Variants in MFHAS1 observed in about 807,000 individuals in gnomAD.
MFHAS1 encodes the protein multifunctional ROCO family signaling regulator 1.
Under a neutral mutation model 70.4 loss-of-function variants are expected in MFHAS1, and 50 were observed. The ratio of observed to expected loss-of-function variants is 0.71; its 90% CI spans 0.57 to 0.90. The LOEUF is 0.90. MFHAS1 is among the 40% of genes least tolerant of loss of function. The pLI is 0.00. For missense variants in MFHAS1, 1,795 were observed against 1,347.6 expected (o/e 1.33, Z -5.20); for synonymous variants, 952 against 620.0 (o/e 1.54, Z -7.96).
chr8:8,833,688 G>A (rs747652535), intron 1 of MFHAS1, among the ~76,000 whole-genome samples: 1 of 152,086 alleles, frequency 6.6e-6, no homozygotes, highest in Admixed American at 6.6e-5. Context: ...CTTTCCATAT[G>A]ACCTAGCAAT....
At chr8:8,791,244 C>CGGT in intron 2 of MFHAS1, among the ~76,000 whole-genome samples, 1 of 151,228 alleles carries the variant, frequency 6.6e-6, no homozygotes, top group Admixed American at 6.6e-5. Flanking sequence ...CAGACAGATA[C>CGGT]GGTATCGCTG....
chr8:8,863,039 G>C (rs1406544987), intron 1 of MFHAS1, among the ~76,000 whole-genome samples: 1 of 152,200 alleles, frequency 6.6e-6, no homozygotes, highest in Non-Finnish European at 1.5e-5. Context: ...TACAAGGAAT[G>C]ACTCAAGGTT....
chr8:8,875,108 G>A (rs1284763994), intron 1 of MFHAS1, among the ~76,000 whole-genome samples: 2 of 152,202 alleles, frequency 1.3e-5, no homozygotes, highest in African/African-American at 4.8e-5. Context: ...GAGGTACAGT[G>A]AAAAAGATCT....
intron 1 of MFHAS1, among the ~76,000 whole-genome samples, chr8:8,867,779 G>C (rs549084452): frequency 7.2e-4 from 110 of 152,018 alleles, no homozygotes; most frequent in Middle Eastern, 3.4e-3. Context: ...GGATTGTCTC[G>C]ATCTCCTGAC....
At chr8:8,816,074 T>A (rs1257192788) in intron 1 of MFHAS1, among the ~76,000 whole-genome samples, 1 of 152,108 alleles carries the variant, frequency 6.6e-6, no homozygotes, top group East Asian at 1.9e-4. Flanking sequence ...GCATAGTGGA[T>A]GAGTCCATTA....
chr8:8,838,309 T>C (rs2116848287), intron 1 of MFHAS1, among the ~76,000 whole-genome samples: 1 of 152,094 alleles, frequency 6.6e-6, no homozygotes, highest in South Asian at 2.1e-4. Context: ...AGGGGAAGGG[T>C]CTATATTCTT....
intron 2 of MFHAS1, among the ~76,000 whole-genome samples, chr8:8,796,426 G>C (rs960934957): frequency 3.3e-5 from 5 of 152,202 alleles, no homozygotes; most frequent in African/African-American, 1.2e-4. Flanking sequence ...ATTTTCTTTT[G>C]TAATCCCAGC....
rs1191680951 is a variant in MFHAS1, at chr8:8,891,257, T to C, written c.1802A>G (p.Lys601Arg). Residue 601 changes from lysine to arginine, a missense_variant, in exon 1 of 3, where the codon AAG becomes AGG. Lys to Arg is a conservative substitution (Grantham distance 26). Transcript: ENST00000276282. This position sits in a 1 kb window ranked among gnomAD's most constrained non-coding sequence, Gnocchi z 5.4. ...ATGGGCCTTGCGCCGTCGAAGGTTC[T>C]TGTCCGAAACGCCATAGTAGGCTGC... ...PHAAYYGVSD[K>R]NLRRRKAHFQ... 4 of 1,612,096 alleles carry C rather than the reference T, an allele frequency of 2.5e-6. No individual in the cohort carries two copies. The highest frequency in any genetic ancestry group is 1.3e-5 in the African/African-American group (1 of 74,938).
intron 1 of MFHAS1, among the ~76,000 whole-genome samples, chr8:8,831,585 G>C (rs1316238193): frequency 2.0e-5 from 3 of 150,812 alleles, no homozygotes; most frequent in Non-Finnish European, 4.4e-5. Flanking sequence ...ACAGAATAGA[G>C]TTCAGAAATA....
rs184428749 is a variant in MFHAS1 at position 8,795,150 on chromosome 8, T to C, written c.3125+2215A>G. On this transcript the variant is annotated intron_variant, in intron 2 of 2. Transcript: ENST00000276282. ...ATATTGAATTTTTGTTTCCTCTGTT[T>C]CATACCTTGCTGGTTCTGTAATATC... Among the ~76,000 whole-genome samples the C allele has an allele frequency of 2.6e-5, 4 of 152,324 alleles. No individual in the cohort carries two copies. The East Asian group carries it at 7.7e-4, about 29-fold the overall frequency.
rs1173620350 is a variant in MFHAS1, at chr8:8,783,640, G to C, written c.*2382C>G. 1.3e-5 allele frequency: 2 copies of C among 152,094 alleles called. No homozygotes were observed. The highest frequency in any genetic ancestry group is 2.9e-5 in the Non-Finnish European group (2 of 68,026). The allele number at this position is 152,094 out of a possible 1,614,324, so 9.4% of individuals were successfully genotyped here. A position where few individuals can be genotyped will look rare whatever the true frequency, so the allele number is the denominator to read the frequency against. On this transcript the variant is annotated 3_prime_UTR_variant, in exon 3 of 3. Coordinates refer to ENST00000276282, the MANE Select transcript of MFHAS1 (RefSeq NM_004225.3). ...CCAGGAAGTGGTTTTGATACCACAA[G>C]TTGCAGGAATAGAAACCCTAACAAA...
At chr8:8,859,549 CCCT>C (rs1471471138) in intron 1 of MFHAS1, among the ~76,000 whole-genome samples, 1 of 152,136 alleles carries the variant, frequency 6.6e-6, no homozygotes, top group African/African-American at 2.4e-5. Flanking sequence ...CAAGACCAAC[CCCT>C]CCTCTTCTTC....
chr8:8,892,031 C>G lies in MFHAS1; in HGVS notation c.1028G>C (p.Gly343Ala). 1 of 1,613,426 alleles carries G rather than the reference C, an allele frequency of 6.2e-7. No homozygotes were observed. The highest frequency in any genetic ancestry group is 8.5e-7 in the Non-Finnish European group (1 of 1,179,976). Residue 343 changes from glycine to alanine, a missense_variant, in exon 1 of 3, where the codon GGC becomes GCC. Transcript: ENST00000276282. This position sits in a 1 kb window ranked among gnomAD's most constrained non-coding sequence, Gnocchi z 4.7. ...CCCCTGCAGCACGAGCTCCTCCAGG[C>G]CGGTCAGCTCCACGATGGAGTCCGG... ...YLPDSIVELT[G>A]LEELVLQGNQ...
intron 1 of MFHAS1, among the ~76,000 whole-genome samples, chr8:8,820,920 A>C (rs1355735946): frequency 6.6e-6 from 1 of 152,242 alleles, no homozygotes; most frequent in Non-Finnish European, 1.5e-5. Flanking sequence ...TTAATGAAGA[A>C]AAAATAGCAG....
At chr8:8,833,809 C>G (rs775606398) in intron 1 of MFHAS1, among the ~76,000 whole-genome samples, 7 of 152,090 alleles carry the variant, frequency 4.6e-5, no homozygotes, top group Non-Finnish European at 1.0e-4. Context: ...AATGTCCCAT[C>G]AAATGAATGA....
At position 8,863,131 on chromosome 8, in the gene MFHAS1, G is replaced by C. The variant is rs533641630; in HGVS notation, c.2998+26930C>G. Among the ~76,000 whole-genome samples the C allele has an allele frequency of 4.6e-5, 7 of 152,170 alleles. No homozygotes were observed. The South Asian group carries it at 1.0e-3, about 23-fold the overall frequency. On this transcript the variant is annotated intron_variant, in intron 1 of 2. Coordinates refer to ENST00000276282, the MANE Select transcript of MFHAS1 (RefSeq NM_004225.3). ...CTCACTGAATTATATTTGTACCTTTGTCCATAATCAATTGGGCATGTATGT... is the reference window on the plus strand; with the variant it reads ...CTCACTGAATTATATTTGTACCTTTCTCCATAATCAATTGGGCATGTATGT...
At chr8:8,845,787 A>G (rs1415111424) in intron 1 of MFHAS1, among the ~76,000 whole-genome samples, 2 of 152,152 alleles carry the variant, frequency 1.3e-5, no homozygotes, top group African/African-American at 4.8e-5. Flanking sequence ...TGGGTCCCAC[A>G]CCCAATTTTA....
At chr8:8,833,404 G>C (rs943962745) in intron 1 of MFHAS1, among the ~76,000 whole-genome samples, 2 of 152,106 alleles carry the variant, frequency 1.3e-5, no homozygotes, top group South Asian at 2.1e-4. Flanking sequence ...GGAAGTGGGA[G>C]GATCGCTTGA....
At chr8:8,793,366 G>A (rs1392225676) in intron 2 of MFHAS1, among the ~76,000 whole-genome samples, 1 of 152,192 alleles carries the variant, frequency 6.6e-6, no homozygotes, top group Non-Finnish European at 1.5e-5. Flanking sequence ...TCAAAGACAG[G>A]CAGTTAAATG....
Sources: gnomAD v4.1 joint callset for allele counts (sites outside exome capture counted in the v4.1 genomes callset) on GRCh38, gnomAD v4.1.1 for gene constraint, Gnocchi (gnomAD v3.1) non-coding constraint, MANE v1.5 for transcripts, NCBI Gene and HGNC (gene_info 2026-07-23, HGNC 2026-07-21) for gene names.